FHOD3: variants seen among roughly 807,000 people sequenced by gnomAD.
FHOD3 encodes FH1/FH2 domain-containing protein 3.
A neutral mutation model predicts 173.0 loss-of-function variants in FHOD3; 90 were observed. The ratio of observed to expected loss-of-function variants is 0.52; its 90% CI spans 0.44 to 0.62. The LOEUF is 0.62. Among genes scored for constraint, FHOD3 ranks in the 20% least tolerant of loss-of-function variants. The pLI is 0.00. For synonymous variants in FHOD3, 828 were observed against 823.0 expected, an observed-to-expected ratio of 1.01 and a Z score of -0.10; for missense variants, 1,945 against 2,034.7, an observed-to-expected ratio of 0.96 and a Z score of 0.85.
At chr18:36,684,264 A>G (rs2038451516) in intron 15 of FHOD3, among the ~76,000 whole-genome samples, 1 of 152,248 alleles carries the variant, frequency 6.6e-6, no homozygotes, top group African/African-American at 2.4e-5. Context: ...GAATTTAAAT[A>G]AGACCTCAAA....
chr18:36,517,007 C>T (rs753980594), intron 5 of FHOD3, among the ~76,000 whole-genome samples: 8 of 151,718 alleles, frequency 5.3e-5, no homozygotes, highest in Non-Finnish European at 1.2e-4. Context: ...TTTTTAAGGC[C>T]CAGGAATCCG....
chr18:36,343,413 C>G (rs982328803), intron 1 of FHOD3, among the ~76,000 whole-genome samples: 6 of 152,154 alleles, frequency 3.9e-5, no homozygotes, highest in African/African-American at 1.4e-4. Flanking sequence ...TCACAAAAGA[C>G]CACTGCTATA....
Position 36,748,787 on chromosome 18 carries a change from T to C in FHOD3, c.4232+1652T>C, listed in dbSNP as rs557010717. Among the ~76,000 whole-genome samples the C allele has an allele frequency of 1.4e-4, 21 of 152,226 alleles. No homozygotes were observed. The East Asian group carries it at 3.3e-3, about 24-fold the overall frequency. ...TAAACCGTAGAACCCTGTGTTCAAA[T>C]GAAGTCTTTAGCTGGAGCGCTGTAT... is the stretch of plus-strand genomic sequence containing the variant. On this transcript the variant is annotated intron_variant, in intron 24 of 28. Coordinates refer to ENST00000590592, the MANE Select transcript of FHOD3 (RefSeq NM_001281740.3).
intron 3 of FHOD3, among the ~76,000 whole-genome samples, chr18:36,471,791 C>T (rs921848606): frequency 2.0e-5 from 3 of 152,128 alleles, no homozygotes; most frequent in Admixed American, 6.5e-5. Flanking sequence ...CTTTGCAGCA[C>T]GCGGAAAGGT....
At chr18:36,691,351 C>T (rs921263354) in intron 16 of FHOD3, among the ~76,000 whole-genome samples, 1 of 152,218 alleles carries the variant, frequency 6.6e-6, no homozygotes, top group Non-Finnish European at 1.5e-5. Flanking sequence ...CTCTTATTTG[C>T]ACTCATTTCT....
intron 3 of FHOD3, among the ~76,000 whole-genome samples, chr18:36,475,710 A>T (rs1057241272): frequency 3.3e-5 from 5 of 151,876 alleles, no homozygotes; most frequent in Non-Finnish European, 7.4e-5. Context: ...AAATCTATAG[A>T]GGTGGGATTA....
At chr18:36,734,544 C>A (rs942075415) in intron 20 of FHOD3, among the ~76,000 whole-genome samples, 3 of 152,014 alleles carry the variant, frequency 2.0e-5, no homozygotes, top group African/African-American at 7.2e-5. Flanking sequence ...CCAGTCGAAA[C>A]CCCTCTTGGA....
In FHOD3 at chr18:36,627,849, C is replaced by A. The variant is rs61552839; in HGVS notation, c.1196+2100C>A. On this transcript the variant is annotated intron_variant, in intron 10 of 28. Transcript: ENST00000590592. ...CTCAACATCTGTGCCTCAAACAGTA[C>A]CTCAGAGTCAAGTGGCTCATTGTGT... Among the ~76,000 whole-genome samples, 801 of 152,268 alleles carry A rather than the reference C, an allele frequency of 5.3e-3. 10 individuals carry two copies. Among genetic ancestry groups the A allele is most frequent in the African/African-American group, 0.018 (762 of 41,546 alleles).
intron 3 of FHOD3, among the ~76,000 whole-genome samples, chr18:36,377,623 C>T (rs1321268176): frequency 6.6e-6 from 1 of 152,220 alleles, no homozygotes; most frequent in African/African-American, 2.4e-5. Context: ...TGCTGAGAGA[C>T]ATGAGGCCTG....
chr18:36,669,869 A>G (rs1436549132), intron 14 of FHOD3, among the ~76,000 whole-genome samples: 3 of 152,010 alleles, frequency 2.0e-5, no homozygotes, highest in African/African-American at 7.2e-5. Flanking sequence ...TGTGTAAATC[A>G]AGATGGCCAT....
chr18:36,372,589 G>A (rs910388079), intron 2 of FHOD3, 91 bp from the exon 3 acceptor site: 5 of 985,630 alleles, frequency 5.1e-6, no homozygotes, highest in East Asian at 2.6e-5. Flanking sequence ...CCACTTAAGT[G>A]GGTATGTCAG....
chr18:36,658,228 A>G (rs2036553060), intron 14 of FHOD3, 40 bp downstream of exon 14: 1 of 1,352,986 alleles, frequency 7.4e-7, no homozygotes, highest in Non-Finnish European at 1.0e-6. Context: ...ACAGTCCTCA[A>G]GTGAGGGGAA....
chr18:36,627,054 C>G (rs2034163736), intron 10 of FHOD3, among the ~76,000 whole-genome samples: 1 of 152,130 alleles, frequency 6.6e-6, no homozygotes, highest in Admixed American at 6.5e-5. Context: ...GTGTACAGCT[C>G]TATTTTAGTG....
intron 3 of FHOD3, among the ~76,000 whole-genome samples, chr18:36,435,135 G>A (rs1347763536): frequency 1.0e-4 from 15 of 145,400 alleles, no homozygotes; most frequent in East Asian, 2.0e-4. Flanking sequence ...GAAAAGACCC[G>A]TTTCCTTGAA....
At chr18:36,515,018 A>G (rs2055885464) in intron 5 of FHOD3, among the ~76,000 whole-genome samples, 2 of 152,190 alleles carry the variant, frequency 1.3e-5, no homozygotes, top group Non-Finnish European at 2.9e-5. Flanking sequence ...TTTTCTGGTG[A>G]GCCACAGTGA....
At chr18:36,530,987 G>C (rs112313445) in intron 5 of FHOD3, among the ~76,000 whole-genome samples, 2 of 152,172 alleles carry the variant, frequency 1.3e-5, no homozygotes, top group African/African-American at 4.8e-5. Context: ...GTCCCCAAGG[G>C]TCTTGCCTCT....
intron 17 of FHOD3, among the ~76,000 whole-genome samples, chr18:36,706,698 G>A (rs2149643405): frequency 6.6e-6 from 1 of 152,316 alleles, no homozygotes; most frequent in South Asian, 2.1e-4. Context: ...CTGGGGTGGT[G>A]AGTAGACACA....
At chr18:36,522,535 G>A (rs1391513871) in intron 5 of FHOD3, among the ~76,000 whole-genome samples, 2 of 152,162 alleles carry the variant, frequency 1.3e-5, no homozygotes, top group Admixed American at 6.5e-5. Flanking sequence ...ATGCAAATAT[G>A]GATTATACTG....
chr18:36,703,368 C>T (rs2039691253), intron 17 of FHOD3, among the ~76,000 whole-genome samples: 3 of 152,158 alleles, frequency 2.0e-5, no homozygotes. Flanking sequence ...GAGTCAGCAT[C>T]CTCAGGCACA....
Sources: gnomAD v4.1 joint callset for allele counts (sites outside exome capture counted in the v4.1 genomes callset) on GRCh38, gnomAD v4.1.1 for gene constraint, MANE v1.5 for transcripts, NCBI Gene and HGNC (gene_info 2026-07-23, HGNC 2026-07-21) for gene names.